The following FXYD3 variants were observed in gnomAD, a reference collection of about 807,000 sequenced individuals.
The protein encoded by FXYD3 is FXYD domain-containing ion transport regulator 3.
A neutral mutation model predicts 19.2 loss-of-function variants in FXYD3; 13 were observed. The ratio of observed to expected loss-of-function variants is 0.68; its 90% confidence interval spans 0.44 to 1.08. The LOEUF (loss-of-function observed/expected upper bound fraction) is 1.08, where lower values mean the gene tolerates loss of function less well. Ranked by LOEUF, FXYD3 falls within the 50% of genes least tolerant of loss-of-function variation. FXYD3 has a pLI of 0.00. For synonymous variants in FXYD3, 48 were observed against 38.9 expected, an observed-to-expected ratio of 1.23 and a Z score of -0.87; for missense variants, 101 against 109.4, an observed-to-expected ratio of 0.92 and a Z score of 0.34.
At chr19:35,120,724 G>GAATC (rs921069240) in intron 3 of FXYD3, among the ~76,000 whole-genome samples, 1 of 152,200 alleles carries the variant, frequency 6.6e-6, no homozygotes, top group African/African-American at 2.4e-5. Flanking sequence ...GGGGAAACAG[G>GAATC]AATCTGGGAA....
chr19:35,117,022 G>A (rs2064905252), intron 2 of FXYD3: 4 of 985,220 alleles, frequency 4.1e-6, no homozygotes, highest in Non-Finnish European at 4.8e-6. Flanking sequence ...GAGGGCAGGT[G>A]GGGGAAACAG....
chr19:35,123,095 T>C, intron 7 of FXYD3, 141 bp downstream of exon 7: 2 of 1,458,384 alleles, frequency 1.4e-6, no homozygotes, highest in Non-Finnish European at 1.8e-6. Context: ...TTATTGTTTC[T>C]AGCTGGTAAT....
chr19:35,119,505 C>G (rs1041606937), intron 3 of FXYD3, 89 bp downstream of exon 3: 1 of 1,216,980 alleles, frequency 8.2e-7, no homozygotes, highest in Non-Finnish European at 1.2e-6. Context: ...TTTTCTACCT[C>G]CCCGGGAAGG....
chr19:35,118,693 G>A (rs1007239086), intron 2 of FXYD3: 8 of 481,970 alleles, frequency 1.7e-5, no homozygotes, highest in Admixed American at 1.6e-4. Context: ...CAGGAGGTTC[G>A]GGGGAACAGA....
Position 35,123,038 on chromosome 19 carries a change from C to T in FXYD3, c.209+84C>T, listed in dbSNP as rs554375760. 10 of 1,489,850 alleles carry T rather than the reference C, an allele frequency of 6.7e-6. No individual in the cohort carries two copies. In the African/African-American group the frequency reaches 7.0e-5, roughly 10 times the overall value. 92.3% of individuals were successfully genotyped at this position (1,489,850 alleles called of 1,614,324 possible). A position where few individuals can be genotyped will look rare whatever the true frequency, so the allele number is the denominator to read the frequency against. Reference sequence around the variant, plus strand: ...GGGCTAACTCTCCCAGCAGGAGAGGCCTCGGGGCTCTGCCCTTTAGAGTTC... The same window carrying T: ...GGGCTAACTCTCCCAGCAGGAGAGGTCTCGGGGCTCTGCCCTTTAGAGTTC... On this transcript the variant is annotated intron_variant, in intron 7 of 8. Transcript: ENST00000604404.
chr19:35,122,949 G>T lies in FXYD3; in HGVS notation c.204G>T (p.Lys68Asn). ...AATGCAAATGCAAGTTTGGCCAGAA[G>T]TCCGGGTAAGATACTGTTCCGGCAT... ...SAKCKCKFGQ[K>N]SGHHPGETPP... The change falls in exon 7 of 9, where the codon AAG becomes AAT. Residue 68 changes from lysine to asparagine, a missense_variant. Coordinates refer to ENST00000604404, the MANE Select transcript of FXYD3 (RefSeq NM_005971.4). 1 of 1,597,118 alleles carries T rather than the reference G, an allele frequency of 6.3e-7. No individual in the cohort carries two copies. Among genetic ancestry groups the T allele is most frequent in the South Asian group, 1.1e-5 (1 of 88,100 alleles).
Position 35,121,062 on chromosome 19 carries a change from C to G in FXYD3, c.41-16C>G, listed in dbSNP as rs1398236402. 6.2e-7 allele frequency: 1 copy of G among 1,612,368 alleles called. No individual in the cohort carries two copies. Among genetic ancestry groups the G allele is most frequent in the South Asian group, 1.1e-5 (1 of 90,998 alleles). Reference sequence around the variant, plus strand: ...CGGCATCACCATCTCCCCTCCTTCCCCTCTTCTCCCACTAGGCTTTCCTGT... The same window carrying G: ...CGGCATCACCATCTCCCCTCCTTCCGCTCTTCTCCCACTAGGCTTTCCTGT... On this transcript the variant is annotated splice_polypyrimidine_tract_variant and intron_variant, in intron 3 of 8. Coordinates refer to ENST00000604404, the MANE Select transcript of FXYD3 (RefSeq NM_005971.4).
Position 35,121,192 on chromosome 19 carries a change from G to A in FXYD3, c.74-30G>A, listed in dbSNP as rs758233154. ...AGGCCTGCATCCTGGCTGTAATCCTGGATTCATGATCTTTTTTCTTTCCTT... is the reference window on the plus strand; with the variant it reads ...AGGCCTGCATCCTGGCTGTAATCCTAGATTCATGATCTTTTTTCTTTCCTT... On this transcript the variant is annotated intron_variant, in intron 4 of 8. Transcript: ENST00000604404. 12 of 1,614,128 alleles carry A rather than the reference G, an allele frequency of 7.4e-6. No homozygotes were observed. In the South Asian group the frequency reaches 1.3e-4, roughly 18 times the overall value.
At chr19:35,119,734 A>G in intron 3 of FXYD3, 1 of 425,478 alleles carries the variant, frequency 2.4e-6, no homozygotes, top group Non-Finnish European at 4.3e-6. Flanking sequence ...GCAATGGCGC[A>G]ATCACAGTTC....
intron 7 of FXYD3, 93 bp from the exon 8 acceptor site, chr19:35,123,178 A>G: frequency 6.6e-7 from 1 of 1,512,936 alleles, no homozygotes; most frequent in Non-Finnish European, 8.8e-7. Flanking sequence ...AAAGGCAGCC[A>G]GGAAGACATG....
intron 2 of FXYD3, chr19:35,117,490 G>T: frequency 9.9e-7 from 1 of 1,013,980 alleles, no homozygotes; most frequent in Non-Finnish European, 1.3e-6. Flanking sequence ...GCATTAAGCT[G>T]CAGAGATTGA....
At chr19:35,121,137 C>CA (rs1245279817) in intron 4 of FXYD3, 27 bp downstream of exon 4, 7 of 1,613,998 alleles carry the variant, frequency 4.3e-6, no homozygotes, top group Non-Finnish European at 5.9e-6. Flanking sequence ...TCTCACCCGT[C>CA]ACACCCCCAA....
At position 35,123,757 on chromosome 19, in the gene FXYD3, C is replaced by G. The variant is rs972544488; in HGVS notation, c.*300C>G. 2.0e-6 allele frequency: 1 copy of G among 503,282 alleles called. No individual in the cohort carries two copies. The highest frequency in any genetic ancestry group is 3.6e-6 in the Non-Finnish European group (1 of 279,426). 31.2% of individuals were successfully genotyped at this position (503,282 alleles called of 1,614,324 possible). ...GCTGACACAGAGGCTGGCACTGAGC[C>G]TGCTTGTTGGGAAAAGCCCACAGGC... is the stretch of plus-strand genomic sequence containing the variant. On this transcript the variant is annotated 3_prime_UTR_variant, in exon 9 of 9. Coordinates refer to ENST00000604404, the MANE Select transcript of FXYD3 (RefSeq NM_005971.4).
At chr19:35,117,433 G>C in intron 2 of FXYD3, 1 of 1,362,760 alleles carries the variant, frequency 7.3e-7, no homozygotes, top group South Asian at 1.8e-5. Context: ...GAATTTGCAG[G>C]GGTTACAGGA....
Position 35,123,271 on chromosome 19 carries a change from T to C in FXYD3, c.210T>C (p.Gly70=), listed in dbSNP as rs2065090985. The change falls in exon 8 of 9, where the codon GGT becomes GGC. Residue 70 remains glycine (G), a splice_region_variant and synonymous_variant. Transcript: ENST00000604404. ...KCKCKFGQKS[G]HHPGETPPLI... ...AATCTCACCACTTTTGTCTCCTTAG[T>C]CACCATCCAGGGGAGACTCCACCTC... The C allele has an allele frequency of 1.9e-6, 3 of 1,595,600 alleles. No individual in the cohort carries two copies.
At position 35,118,787 on chromosome 19, in the gene FXYD3, C is replaced by A. The variant is rs2064963271; in HGVS notation, c.-14-576C>A. ...CACGTCAATTCCTCCACACACCACCCCACCCCCAAGCAGCTTGAAGAACCT... is the reference window on the plus strand; with the variant it reads ...CACGTCAATTCCTCCACACACCACCACACCCCCAAGCAGCTTGAAGAACCT... On this transcript the variant is annotated intron_variant, in intron 2 of 8. Transcript: ENST00000604404. Among the ~76,000 whole-genome samples, 4 of 152,154 alleles carry A rather than the reference C, an allele frequency of 2.6e-5. No individual in the cohort carries two copies. In the South Asian group the frequency reaches 6.2e-4, roughly 24 times the overall value.
chr19:35,116,107 C>T, intron 1 of FXYD3, 148 bp downstream of exon 1: 2 of 347,376 alleles, frequency 5.8e-6, no homozygotes, highest in Non-Finnish European at 8.1e-6. Context: ...AGTTCCAGCC[C>T]ATCCAATTCT....
At chr19:35,116,974 C>G (rs1178866586) in intron 2 of FXYD3, 1 of 985,258 alleles carries the variant, frequency 1.0e-6, no homozygotes, top group East Asian at 1.1e-4. Flanking sequence ...GAACATGAGA[C>G]CATTCTCCCA....
intron 5 of FXYD3, chr19:35,121,679 C>T (rs1047148232): frequency 4.9e-6 from 2 of 407,498 alleles, no homozygotes; most frequent in Non-Finnish European, 7.4e-6. Flanking sequence ...ACACAGCAGA[C>T]ATACTGCCAG....
Sources: gnomAD v4.1 joint callset for allele counts (sites outside exome capture counted in the v4.1 genomes callset) on GRCh38, gnomAD v4.1.1 for gene constraint, MANE v1.5 for transcripts, NCBI Gene and HGNC (gene_info 2026-07-23, HGNC 2026-07-21) for gene names.